The following TBC1D30 variants were observed in gnomAD, a reference collection of about 807,000 sequenced individuals.
TBC1D30 encodes the protein TBC1 domain family member 30, also known as TBC1 domain family, member 30.
A neutral mutation model predicts 63.2 loss-of-function variants in TBC1D30; 31 were observed. The observed-to-expected ratio is 0.49, with a 90% CI of 0.37 to 0.66. The LOEUF is 0.66. Ranked by LOEUF, TBC1D30 falls within the 30% of genes least tolerant of loss-of-function variation. The pLI is 0.00. For synonymous variants in TBC1D30, 307 were observed against 361.5 expected (o/e 0.85, Z 1.71); for missense variants, 810 against 953.6 (o/e 0.85, Z 1.98).
intron 2 of TBC1D30, among the ~76,000 whole-genome samples, chr12:64,812,696 G>C (rs779681014): frequency 2.0e-5 from 3 of 151,726 alleles, no homozygotes; most frequent in Non-Finnish European, 4.4e-5. Context: ...TATGATGTTG[G>C]AGAAATAGAA....
intron 8 of TBC1D30, among the ~76,000 whole-genome samples, chr12:64,859,291 G>A (rs1045734760): frequency 1.3e-5 from 2 of 152,156 alleles, no homozygotes; most frequent in Non-Finnish European, 2.9e-5. Flanking sequence ...AGACCACAAT[G>A]CCTGGTAAGG....
chr12:64,828,605 C>T, intron 3 of TBC1D30, 96 bp downstream of exon 3: 5 of 767,824 alleles, frequency 6.5e-6, no homozygotes, highest in Non-Finnish European at 1.1e-5. Flanking sequence ...GGTTTAGTTA[C>T]TTGAAAACCT....
chr12:64,834,046 G>T (rs11175568), intron 5 of TBC1D30, among the ~76,000 whole-genome samples: 2,613 of 152,188 alleles, frequency 0.017, 35 homozygotes, highest in Middle Eastern at 0.058. Context: ...AAAAACTCAC[G>T]TAAAAATATG....
At chr12:64,805,694 G>A (rs1490374589) in intron 2 of TBC1D30, among the ~76,000 whole-genome samples, 3 of 152,006 alleles carry the variant, frequency 2.0e-5, no homozygotes, top group African/African-American at 2.4e-5. Flanking sequence ...TTAGTCGGGC[G>A]TGGTGGCGGG....
chr12:64,804,083 A>G (rs908853413), intron 2 of TBC1D30, among the ~76,000 whole-genome samples: 2 of 152,234 alleles, frequency 1.3e-5, no homozygotes, highest in Non-Finnish European at 2.9e-5. Context: ...TACCTTGGGC[A>G]GTATGGTCAT....
At position 64,878,687 on chromosome 12, in the gene TBC1D30, C is replaced by A. The variant is rs1565699527; in HGVS notation, c.*2899C>A. 5.3e-6 allele frequency: 2 copies of A among 380,690 alleles called. No individual in the cohort carries two copies. The highest frequency in any genetic ancestry group is 1.1e-5 in the Non-Finnish European group (2 of 189,892). 23.6% of individuals were successfully genotyped at this position (380,690 alleles called of 1,614,324 possible). On this transcript the variant is annotated 3_prime_UTR_variant, in exon 12 of 12. Transcript: ENST00000539867. Reference sequence around the variant, plus strand: ...TGGAACACTGTTGTGACAGTCCCTTCTCCCTTCTTCCTTCTTCCTTCACCC... The same window carrying A: ...TGGAACACTGTTGTGACAGTCCCTTATCCCTTCTTCCTTCTTCCTTCACCC...
chr12:64,864,708 C>A lies in TBC1D30; in HGVS notation c.1079C>A (p.Ala360Glu). 2 of 1,536,430 alleles carry A rather than the reference C, an allele frequency of 1.3e-6. No homozygotes were observed. The highest frequency in any genetic ancestry group is 1.7e-6 in the Non-Finnish European group (2 of 1,146,962). The change falls in exon 9 of 12, where the codon GCA (alanine) becomes GAA (glutamate). Residue 360 changes from alanine (A) to glutamate (E), a missense_variant. Physicochemically the swap from Ala to Glu is moderately radical, Grantham distance 107. Coordinates refer to ENST00000539867, the MANE Select transcript of TBC1D30 (RefSeq NM_015279.2). ...GCTCCGTTCCCTTTCCCACAATTGG[C>A]AGAGTTGAGGGAAAAATACACCTAC... Reference protein sequence around the residue: ...SMAPFPFPQLAELREKYTYNI... With the variant: ...SMAPFPFPQLEELREKYTYNI...
chr12:64,781,126 G>GGGCCGCC lies in TBC1D30; in HGVS notation c.322_328dup (p.Arg110ProfsTer55). The GGGCCGCC allele has an allele frequency of 9.9e-6, 10 of 1,007,574 alleles. No homozygotes were observed. The highest frequency in any genetic ancestry group is 1.1e-5 in the Non-Finnish European group (9 of 845,378). 62.4% of individuals were successfully genotyped at this position (1,007,574 alleles called of 1,614,324 possible). A position where few individuals can be genotyped will look rare whatever the true frequency, so the allele number is the denominator to read the frequency against. ...CGGCGGGCGGGGGCCGCGGGGCCGA[G>GGGCCGCC]GGCCGCCGGCGGCGCCGCGACAGCC... On this transcript the variant is annotated frameshift_variant, in exon 1 of 13. Transcript: ENST00000542120. LOFTEE classifies it high-confidence loss of function.
At chr12:64,805,623 G>A (rs1459292973) in intron 2 of TBC1D30, among the ~76,000 whole-genome samples, 4 of 151,912 alleles carry the variant, frequency 2.6e-5, no homozygotes, top group Admixed American at 6.6e-5. Context: ...ACTTGAGGCC[G>A]GGAGTTCAAG....
chr12:64,838,553 T>A, intron 6 of TBC1D30, 130 bp from the exon 7 acceptor site: 3 of 930,752 alleles, frequency 3.2e-6, no homozygotes, highest in South Asian at 3.8e-5. Flanking sequence ...AGAACAAGAG[T>A]TTAGAAATAT....
chr12:64,856,451 G>C (rs910909961), intron 8 of TBC1D30, among the ~76,000 whole-genome samples: 14 of 152,228 alleles, frequency 9.2e-5, no homozygotes, highest in East Asian at 1.9e-4. Context: ...TACCCACCTT[G>C]GTGGTCTTTC....
intron 2 of TBC1D30, among the ~76,000 whole-genome samples, chr12:64,815,355 A>G (rs919496324): frequency 6.6e-6 from 1 of 152,262 alleles, no homozygotes; most frequent in Non-Finnish European, 1.5e-5. Flanking sequence ...TTTAAGAAAT[A>G]AAATTCGCAG....
intron 1 of TBC1D30, among the ~76,000 whole-genome samples, chr12:64,765,218 C>A (rs529388181): frequency 6.6e-6 from 1 of 152,210 alleles, no homozygotes; most frequent in African/African-American, 2.4e-5. Flanking sequence ...CAGGGCCGGG[C>A]ATCGTGGCTC....
chr12:64,866,864 C>G lies in TBC1D30; in HGVS notation c.1252C>G (p.Leu418Val). The G allele has an allele frequency of 6.5e-7, 1 of 1,536,190 alleles. No homozygotes were observed. The highest frequency in any genetic ancestry group is 8.7e-7 in the Non-Finnish European group (1 of 1,146,930). ...GTGTCTTGGACCTTTTAGTGGGTTC[C>G]TGGCTCCTGAACTGCAGAAGTACCA... Reference protein sequence around the residue: ...VGCLGPFSGFLAPELQKYQKQ... With the variant: ...VGCLGPFSGFVAPELQKYQKQ... The change falls in exon 10 of 12, where the codon CTG (leucine) becomes GTG (valine). Residue 418 changes from leucine (L) to valine (V), a missense_variant. Leu to Val is a conservative substitution (Grantham distance 32). Coordinates refer to ENST00000539867, the MANE Select transcript of TBC1D30 (RefSeq NM_015279.2).
chr12:64,821,489 A>C (rs1360266551), upstream of TBC1D30, among the ~76,000 whole-genome samples: 1 of 152,176 alleles, frequency 6.6e-6, no homozygotes, highest in Non-Finnish European at 1.5e-5. Context: ...TAGAACACAA[A>C]ACCCTCTAAG....
intron 9 of TBC1D30, among the ~76,000 whole-genome samples, chr12:64,864,996 T>G (rs1328001278): frequency 6.6e-6 from 1 of 151,932 alleles, no homozygotes; most frequent in African/African-American, 2.4e-5. Flanking sequence ...GAAGAGAGAT[T>G]TAGCAACCCC....
At chr12:64,762,410 G>C (rs1302837464) in intron 1 of TBC1D30, among the ~76,000 whole-genome samples, 1 of 152,156 alleles carries the variant, frequency 6.6e-6, no homozygotes, top group African/African-American at 2.4e-5. Flanking sequence ...ATTGGAAGAG[G>C]ACAAGCATGG....
chr12:64,853,706 A>G (rs1310498839), intron 8 of TBC1D30, among the ~76,000 whole-genome samples: 1 of 152,198 alleles, frequency 6.6e-6, no homozygotes, highest in Non-Finnish European at 1.5e-5. Context: ...ATCATTCCTC[A>G]TGGCACAATC....
chr12:64,832,055 A>G (rs1333796907), intron 4 of TBC1D30, 64 bp from the exon 5 acceptor site: 13 of 1,386,774 alleles, frequency 9.4e-6, no homozygotes, highest in Non-Finnish European at 1.2e-5. Context: ...TCAAAAAAAA[A>G]AGGTATTGTT....
Sources: gnomAD v4.1 joint callset for allele counts (sites outside exome capture counted in the v4.1 genomes callset) on GRCh38, gnomAD v4.1.1 for gene constraint, MANE v1.5 for transcripts, NCBI Gene and HGNC (gene_info 2026-07-23, HGNC 2026-07-21) for gene names.